Variants in SLCO3A1 observed in about 807,000 individuals in gnomAD.
The protein encoded by SLCO3A1 is PGE1 transporter.
SLCO3A1 carries 27 observed loss-of-function variants against 63.1 expected under a neutral mutation model. That is an observed-to-expected ratio of 0.43 (90% CI 0.32 to 0.59). The LOEUF (loss-of-function observed/expected upper bound fraction) is 0.59. SLCO3A1 is among the 20% of genes least tolerant of loss of function. The probability of loss-of-function intolerance (pLI) is 0.09; values close to 1 mark genes in which losing one functional copy is unlikely to be tolerated. For missense variants in SLCO3A1, 773 were observed against 945.8 expected (o/e 0.82, Z 2.40); for synonymous variants, 473 against 409.9 (o/e 1.15, Z -1.86).
chr15:91,856,966 C>T lies in SLCO3A1; in HGVS notation c.180+2878C>T, dbSNP rs1436028416. Among the ~76,000 whole-genome samples the T allele has an allele frequency of 6.6e-6, 1 of 151,698 alleles. No homozygotes were observed. Among genetic ancestry groups the T allele is most frequent in the Non-Finnish European group, 1.5e-5 (1 of 67,976 alleles). Reference sequence around the variant, plus strand: ...CTGAATGACACTAGTGTAGGCTTCCCAACTGCAGAACTGAAGCAGAAGGTT... The same window carrying T: ...CTGAATGACACTAGTGTAGGCTTCCTAACTGCAGAACTGAAGCAGAAGGTT... On this transcript the variant is annotated intron_variant, in intron 1 of 9. Transcript: ENST00000318445. The surrounding 1 kb of genome is among the most constrained non-coding windows in gnomAD (Gnocchi z 4.9).
At chr15:91,931,788 A>AACACACAC (rs112525299) in intron 2 of SLCO3A1, among the ~76,000 whole-genome samples, 21,217 of 143,988 alleles carry the variant, frequency 0.15, 1,863 homozygotes, top group East Asian at 0.24. Context: ...TAAGTGTGGA[A>AACACACAC]ACACACACAC....
At chr15:92,023,544 C>T (rs1385490492) in intron 2 of SLCO3A1, among the ~76,000 whole-genome samples, 1 of 151,960 alleles carries the variant, frequency 6.6e-6, no homozygotes, top group African/African-American at 2.4e-5. Flanking sequence ...TCTCAGCTCA[C>T]TGCAGCCTCT....
At chr15:92,144,726 A>C (rs1011130577) in intron 7 of SLCO3A1, among the ~76,000 whole-genome samples, 4 of 152,246 alleles carry the variant, frequency 2.6e-5, no homozygotes, top group East Asian at 1.9e-4. Context: ...CCGTCCTTGC[A>C]GGAAAGCGAA....
At chr15:92,003,089 A>G (rs2046274001) in intron 2 of SLCO3A1, among the ~76,000 whole-genome samples, 1 of 152,190 alleles carries the variant, frequency 6.6e-6, no homozygotes, top group Non-Finnish European at 1.5e-5. Context: ...GTGTACCTCC[A>G]TAGCAGGAAA....
At chr15:91,884,511 C>CAAAA (rs776448274) in intron 1 of SLCO3A1, among the ~76,000 whole-genome samples, 1 of 102,294 alleles carries the variant, frequency 9.8e-6, no homozygotes, top group African/African-American at 3.9e-5. Context: ...GATTCTGTCT[C>CAAAA]AAAAAAAAAA....
chr15:91,902,648 G>A (rs148560130), intron 1 of SLCO3A1, among the ~76,000 whole-genome samples: 4 of 152,192 alleles, frequency 2.6e-5, no homozygotes, highest in Non-Finnish European at 4.4e-5. Context: ...TTTGTTGTAT[G>A]TTTTGTCCAG....
intron 7 of SLCO3A1, among the ~76,000 whole-genome samples, chr15:92,145,856 T>G (rs909054722): frequency 2.0e-5 from 3 of 152,106 alleles, no homozygotes; most frequent in Admixed American, 6.5e-5. Context: ...TAAAAGCCCC[T>G]GTTGGGGGCA....
rs556566812 is a variant in SLCO3A1, at chr15:91,961,942, G to T, written c.646+45484G>T. Among the ~76,000 whole-genome samples the T allele has an allele frequency of 2.6e-5, 4 of 152,288 alleles. No homozygotes were observed. The South Asian group carries it at 6.2e-4, about 24-fold the overall frequency. On this transcript the variant is annotated intron_variant, in intron 2 of 9. Coordinates refer to ENST00000318445, the MANE Select transcript of SLCO3A1 (RefSeq NM_013272.4). ...ATTTTATGAAAACCCTGGGACAGAG[G>T]TATTATAATTCCCATCATGTGGGAG...
chr15:92,152,496 C>A (rs1342493368), intron 9 of SLCO3A1, among the ~76,000 whole-genome samples: 4 of 152,196 alleles, frequency 2.6e-5, no homozygotes, highest in African/African-American at 9.7e-5. Flanking sequence ...CCAATTAAAA[C>A]AAGTTCAGCG....
chr15:92,135,786 G>A (rs1236178915), intron 7 of SLCO3A1, among the ~76,000 whole-genome samples: 1 of 152,324 alleles, frequency 6.6e-6, no homozygotes, highest in Non-Finnish European at 1.5e-5. Flanking sequence ...AACATCAGGT[G>A]CAAAAGATCA....
intron 8 of SLCO3A1, among the ~76,000 whole-genome samples, chr15:92,150,649 G>A (rs2151592629): frequency 1.3e-5 from 2 of 152,076 alleles, no homozygotes; most frequent in Middle Eastern, 6.8e-3. Context: ...AAACCAACAT[G>A]TCTTTAAACG....
chr15:92,054,410 C>T (rs926544781), intron 2 of SLCO3A1, among the ~76,000 whole-genome samples: 2 of 152,118 alleles, frequency 1.3e-5, no homozygotes, highest in African/African-American at 2.4e-5. Flanking sequence ...AAAATGATCC[C>T]AAGTCTTTTT....
intron 2 of SLCO3A1, among the ~76,000 whole-genome samples, chr15:91,927,296 CTT>C (rs951071362): frequency 4.1e-5 from 6 of 145,388 alleles, no homozygotes; most frequent in Non-Finnish European, 6.1e-5. Context: ...AAAATCAAAA[CTT>C]TTTTTTTTTT....
At chr15:91,945,169 C>T (rs1333447882) in intron 2 of SLCO3A1, among the ~76,000 whole-genome samples, 1 of 152,160 alleles carries the variant, frequency 6.6e-6, no homozygotes, top group African/African-American at 2.4e-5. Context: ...TGGTGAAACC[C>T]TGTCTCTACT....
chr15:92,087,654 G>A (rs1175611997), intron 2 of SLCO3A1, among the ~76,000 whole-genome samples: 1 of 151,800 alleles, frequency 6.6e-6, no homozygotes, highest in Admixed American at 6.6e-5. Context: ...GAGTGCCTGG[G>A]ATTACAGGCA....
chr15:92,035,175 T>G (rs1203556342), intron 2 of SLCO3A1, among the ~76,000 whole-genome samples: 1 of 151,846 alleles, frequency 6.6e-6, no homozygotes, highest in South Asian at 2.1e-4. Flanking sequence ...CAGCCTTCTA[T>G]TTTTCCAGGT....
chr15:92,106,189 G>A (rs1362055465), intron 4 of SLCO3A1, among the ~76,000 whole-genome samples: 2 of 152,188 alleles, frequency 1.3e-5, no homozygotes, highest in African/African-American at 4.8e-5. Flanking sequence ...ATATCGTAAT[G>A]TTATGTCTGG....
intron 1 of SLCO3A1, among the ~76,000 whole-genome samples, chr15:91,876,828 A>G (rs1440335103): frequency 6.6e-6 from 1 of 152,192 alleles, no homozygotes; most frequent in Non-Finnish European, 1.5e-5. Context: ...TCCAGCATGG[A>G]TGTGGCCTAT....
chr15:92,022,948 G>C (rs1228936555), intron 2 of SLCO3A1, among the ~76,000 whole-genome samples: 1 of 152,260 alleles, frequency 6.6e-6, no homozygotes, highest in East Asian at 1.9e-4. Context: ...GGGAGTCGTG[G>C]GATTCTGGGT....
Sources: gnomAD v4.1 joint callset for allele counts (sites outside exome capture counted in the v4.1 genomes callset) on GRCh38, gnomAD v4.1.1 for gene constraint, Gnocchi (gnomAD v3.1) non-coding constraint, MANE v1.5 for transcripts, NCBI Gene and HGNC (gene_info 2026-07-23, HGNC 2026-07-21) for gene names.